The following MAST2 variants were observed in gnomAD, a reference collection of about 807,000 sequenced individuals.
MAST2 encodes microtubule associated serine/threonine kinase 2, also known as microtubule-associated serine/threonine-protein kinase 2.
MAST2 carries 70 observed loss-of-function variants against 147.4 expected under a neutral mutation model. The ratio of observed to expected loss-of-function variants is 0.47; its 90% CI spans 0.39 to 0.58. The LOEUF is 0.58. Among genes scored for constraint, MAST2 ranks in the 20% least tolerant of loss-of-function variants. MAST2 has a pLI of 0.00. For synonymous variants in MAST2, 869 were observed against 896.8 expected, an observed-to-expected ratio of 0.97 and a Z score of 0.55; for missense variants, 2,080 against 2,302.3, an observed-to-expected ratio of 0.90 and a Z score of 1.98.
intron 5 of MAST2, among the ~76,000 whole-genome samples, chr1:45,965,481 G>T (rs12757810): frequency 1.3e-5 from 2 of 151,782 alleles, no homozygotes; most frequent in African/African-American, 2.4e-5. Context: ...TTATGTAATG[G>T]CCTTCTTTGT....
chr1:45,843,744 CTT>C (rs1460755473), intron 3 of MAST2, among the ~76,000 whole-genome samples: 2 of 152,074 alleles, frequency 1.3e-5, no homozygotes, highest in Non-Finnish European at 2.9e-5. Context: ...CCTTTTCACT[CTT>C]AGTTTTTCTT....
chr1:45,977,576 G>T (rs1644220398), intron 5 of MAST2, among the ~76,000 whole-genome samples: 1 of 151,948 alleles, frequency 6.6e-6, no homozygotes, highest in African/African-American at 2.4e-5. Flanking sequence ...GAGGCGGGCG[G>T]ATCACAAGGT....
intron 4 of MAST2, among the ~76,000 whole-genome samples, chr1:45,923,634 CT>C (rs1480321535): frequency 6.6e-6 from 1 of 152,184 alleles, no homozygotes. Context: ...CCTGGGTAGT[CT>C]GGCTTCAGAG....
chr1:45,954,279 A>C (rs1659348418), intron 4 of MAST2, among the ~76,000 whole-genome samples: 1 of 152,124 alleles, frequency 6.6e-6, no homozygotes, highest in Non-Finnish European at 1.5e-5. Flanking sequence ...TGCAGGGGTC[A>C]GATTTTCCGA....
chr1:45,890,299 G>A (rs770421329), intron 4 of MAST2, among the ~76,000 whole-genome samples: 3 of 152,208 alleles, frequency 2.0e-5, no homozygotes, highest in Admixed American at 6.5e-5. Context: ...TCAGGCTGCT[G>A]TAACAAAATA....
chr1:45,807,134 T>C (rs1644165118), intron 1 of MAST2, among the ~76,000 whole-genome samples: 1 of 152,274 alleles, frequency 6.6e-6, no homozygotes, highest in Non-Finnish European at 1.5e-5. Context: ...CCTCATCTTG[T>C]CTGACCTCTG....
chr1:45,994,552 G>T (rs1239009597), intron 5 of MAST2, among the ~76,000 whole-genome samples: 2 of 151,968 alleles, frequency 1.3e-5, no homozygotes, highest in Admixed American at 6.5e-5. Flanking sequence ...CTCCCAAAGT[G>T]CTAGGTGAGT....
At position 46,033,931 on chromosome 1, in the gene MAST2, C is replaced by T. The variant is rs1315648528; in HGVS notation, c.3667C>T (p.Gln1223Ter). Residue 1223 changes from glutamine (Q) to a stop codon, truncating the protein, a stop_gained, in exon 27 of 29, where the codon CAA becomes TAA. Coordinates refer to ENST00000361297, the MANE Select transcript of MAST2 (RefSeq NM_015112.3). LOFTEE classifies it high-confidence loss of function. ...CAAGAGGAGCCGCGGCAAGGATGGG[C>T]AAGAAAGGTGAGCCAGGCGCAGTGA... Reference protein sequence around the residue: ...RSKRSRGKDGQESRKRSSLFR... With the variant: ...RSKRSRGKDG 1 of 1,613,872 alleles carries T rather than the reference C, an allele frequency of 6.2e-7. No individual in the cohort carries two copies. The highest frequency in any genetic ancestry group is 8.5e-7 in the Non-Finnish European group (1 of 1,179,914).
chr1:45,933,304 C>T (rs1474819793), intron 4 of MAST2, among the ~76,000 whole-genome samples: 5 of 151,722 alleles, frequency 3.3e-5, no homozygotes, highest in Admixed American at 1.3e-4. Flanking sequence ...TCACTGCTCC[C>T]GGGAAATGTA....
At chr1:45,891,835 A>C (rs570808181) in intron 4 of MAST2, among the ~76,000 whole-genome samples, 24 of 148,716 alleles carry the variant, frequency 1.6e-4, no homozygotes, top group Admixed American at 1.4e-3. Context: ...AAAGAATCTC[A>C]GATTGGACTT....
chr1:45,843,468 A>AT (rs1645338304), intron 3 of MAST2, among the ~76,000 whole-genome samples: 1 of 152,062 alleles, frequency 6.6e-6, no homozygotes, highest in South Asian at 2.1e-4. Context: ...GCAAGAGTTT[A>AT]TTTTTTTGCA....
rs191789361 is a variant in MAST2, at chr1:45,937,544, G to A, written c.501-21842G>A. Among the ~76,000 whole-genome samples, 16 of 152,072 alleles carry A rather than the reference G, an allele frequency of 1.1e-4. No individual in the cohort carries two copies. In the East Asian group the frequency reaches 2.7e-3, roughly 26 times the overall value. ...GCAGGTGGATCACCTCAGGTCAGGG[G>A]TTCGAGACCAGCCTGGCCAACGTGG... On this transcript the variant is annotated intron_variant, in intron 4 of 28. Coordinates refer to ENST00000361297, the MANE Select transcript of MAST2 (RefSeq NM_015112.3).
chr1:45,960,981 T>G (rs1660335243), intron 5 of MAST2, among the ~76,000 whole-genome samples: 1 of 152,198 alleles, frequency 6.6e-6, no homozygotes, highest in Non-Finnish European at 1.5e-5. Flanking sequence ...TGTGGAGTAT[T>G]TGAGGGTCCT....
At chr1:46,011,121 C>T in intron 10 of MAST2, 182 bp downstream of exon 10, 1 of 603,862 alleles carries the variant, frequency 1.7e-6, no homozygotes, top group Non-Finnish European at 2.9e-6. Flanking sequence ...TGAGAGAAGC[C>T]TGCTTGGTAT....
chr1:45,980,013 C>T (rs1644335038), intron 5 of MAST2, among the ~76,000 whole-genome samples: 1 of 152,174 alleles, frequency 6.6e-6, no homozygotes, highest in Non-Finnish European at 1.5e-5. Context: ...AGGCCAGGTG[C>T]AATGGCTCAC....
intron 3 of MAST2, among the ~76,000 whole-genome samples, chr1:45,877,627 A>G (rs1039495147): frequency 2.6e-5 from 4 of 152,206 alleles, no homozygotes. Context: ...ACTTATTAAC[A>G]TACAGGCAAA....
chr1:45,891,852 G>C (rs953897033), intron 4 of MAST2, among the ~76,000 whole-genome samples: 1 of 152,014 alleles, frequency 6.6e-6, no homozygotes, highest in African/African-American at 2.4e-5. Flanking sequence ...ACTTTTAAAG[G>C]CCTCTATTAT....
intron 3 of MAST2, among the ~76,000 whole-genome samples, chr1:45,875,263 T>C (rs1380371180): frequency 6.6e-6 from 1 of 152,128 alleles, no homozygotes; most frequent in Non-Finnish European, 1.5e-5. Context: ...CTTACCAACA[T>C]GGGGAAACCC....
At chr1:45,819,876 G>C (rs571832971) in intron 1 of MAST2, among the ~76,000 whole-genome samples, 1 of 152,222 alleles carries the variant, frequency 6.6e-6, no homozygotes, top group East Asian at 1.9e-4. Flanking sequence ...AGAGGACTCA[G>C]AATAGCCAAA....
Sources: allele counts gnomAD v4.1 joint callset (sites outside exome capture counted in the v4.1 genomes callset), GRCh38; gene constraint gnomAD v4.1.1; transcripts MANE v1.5; gene names NCBI Gene and HGNC (gene_info 2026-07-23, HGNC 2026-07-21).